The following CUL1 variants were observed in gnomAD, a reference collection of about 807,000 sequenced individuals.
The protein encoded by CUL1 is cullin 1, also known as cullin-1.
In CUL1, 24 loss-of-function variants were observed where a neutral mutation model predicts 118.0. That is an observed-to-expected ratio of 0.20 (90% CI 0.15 to 0.29). The LOEUF (loss-of-function observed/expected upper bound fraction) is 0.29, where lower values mean the gene tolerates loss of function less well. CUL1 is among the 10% of genes least tolerant of loss of function. The pLI is 1.00. For synonymous variants in CUL1, 332 were observed against 340.4 expected, an observed-to-expected ratio of 0.98 and a Z score of 0.27; for missense variants, 361 against 933.8, an observed-to-expected ratio of 0.39 and a Z score of 7.99.
At chr7:148,762,123 A>G (rs1799850162) in intron 7 of CUL1, among the ~76,000 whole-genome samples, 1 of 152,224 alleles carries the variant, frequency 6.6e-6, no homozygotes, top group Non-Finnish European at 1.5e-5. Flanking sequence ...GGAGATCTCC[A>G]GGAGTCTGGA....
At chr7:148,770,387 T>C (rs1584804126) in intron 9 of CUL1, among the ~76,000 whole-genome samples, 1 of 152,324 alleles carries the variant, frequency 6.6e-6, no homozygotes, top group East Asian at 1.9e-4. Context: ...AAGTCAAATA[T>C]TAGTTTTTTT....
intron 3 of CUL1, 149 bp from the exon 4 acceptor site, chr7:148,756,834 G>A (rs754375098): frequency 3.0e-4 from 130 of 435,656 alleles, no homozygotes; most frequent in Non-Finnish European, 4.8e-4. Context: ...ATATATATTA[G>A]CATGTTTTTG....
At position 148,798,029 on chromosome 7, in the gene CUL1, A is replaced by G. The variant is rs1243494556; in HGVS notation, c.2030+10A>G. Reference sequence around the variant, plus strand: ...ATCTTGGTTATAAAAAGTAAGAAAAATCTAATAAGTAGATGGCCCTTGACC... The same window carrying G: ...ATCTTGGTTATAAAAAGTAAGAAAAGTCTAATAAGTAGATGGCCCTTGACC... On this transcript the variant is annotated intron_variant, in intron 19 of 21. Coordinates refer to ENST00000325222, the MANE Select transcript of CUL1 (RefSeq NM_003592.3). 2 of 1,517,044 alleles carry G rather than the reference A, an allele frequency of 1.3e-6. No individual in the cohort carries two copies. Among genetic ancestry groups the G allele is most frequent in the Admixed American group, 1.7e-5 (1 of 59,480 alleles). 94.0% of individuals were successfully genotyped at this position (1,517,044 alleles called of 1,614,324 possible).
chr7:148,768,620 G>T (rs1800090766), intron 9 of CUL1, among the ~76,000 whole-genome samples: 1 of 151,926 alleles, frequency 6.6e-6, no homozygotes, highest in Non-Finnish European at 1.5e-5. Flanking sequence ...CCGGACCTCA[G>T]GTGATTCGCC....
chr7:148,774,488 T>C (rs909764756), intron 9 of CUL1, among the ~76,000 whole-genome samples: 1 of 152,244 alleles, frequency 6.6e-6, no homozygotes, highest in Non-Finnish European at 1.5e-5. Context: ...CTGTTAATTC[T>C]TGACTATACA....
At chr7:148,725,219 GCTCA>G (rs1184580483) in intron 1 of CUL1, among the ~76,000 whole-genome samples, 1,696 of 140,134 alleles carry the variant, frequency 0.012, 32 homozygotes, top group African/African-American at 0.043. Flanking sequence ...ACACGCGCGC[GCTCA>G]CACACACACA....
At chr7:148,772,013 T>G (rs1455893179) in intron 9 of CUL1, among the ~76,000 whole-genome samples, 2 of 152,168 alleles carry the variant, frequency 1.3e-5, no homozygotes, top group African/African-American at 4.8e-5. Flanking sequence ...GCAAACAGTC[T>G]CCTGCTTAGA....
intron 2 of CUL1, among the ~76,000 whole-genome samples, chr7:148,734,269 CAG>C (rs71779607): frequency 0.025 from 3,832 of 152,210 alleles, 124 homozygotes; most frequent in African/African-American, 0.077. Flanking sequence ...GTGTGTAAGA[CAG>C]AGTCTCACTC....
intron 9 of CUL1, chr7:148,783,335 C>CA (rs1425709882): frequency 1.4e-5 from 14 of 985,222 alleles, no homozygotes; most frequent in Non-Finnish European, 1.7e-5. Flanking sequence ...GGGCCGCAGT[C>CA]AGACTCCCGC....
intron 9 of CUL1, among the ~76,000 whole-genome samples, chr7:148,769,213 A>C (rs544283772): frequency 2.0e-5 from 3 of 152,210 alleles, no homozygotes; most frequent in African/African-American, 4.8e-5. Context: ...ATCCCATAGG[A>C]TATTTGTGAA....
upstream of CUL1, chr7:148,698,378 C>T (rs1014207517): frequency 2.6e-5 from 4 of 152,324 alleles, no homozygotes; most frequent in Admixed American, 6.5e-5. Context: ...CTGGTGGTGT[C>T]CCCGACCCAA....
At chr7:148,737,077 C>G (rs1197438250) in intron 2 of CUL1, among the ~76,000 whole-genome samples, 7 of 152,162 alleles carry the variant, frequency 4.6e-5, no homozygotes, top group Non-Finnish European at 1.0e-4. Context: ...TTCTTGCTAT[C>G]TTTTACTACT....
chr7:148,734,491 A>G (rs540941345), intron 2 of CUL1, among the ~76,000 whole-genome samples: 48 of 152,284 alleles, frequency 3.2e-4, no homozygotes, highest in African/African-American at 1.2e-3. Flanking sequence ...TTATCCGCCC[A>G]CCTGGGCCTC....
chr7:148,718,316 A>G (rs1041949966), intron 1 of CUL1, among the ~76,000 whole-genome samples: 4 of 152,240 alleles, frequency 2.6e-5, no homozygotes, highest in Non-Finnish European at 5.9e-5. Context: ...CATCACTACA[A>G]TGCAATTTTA....
chr7:148,750,994 AAAAAAC>A (rs954155260), intron 2 of CUL1, among the ~76,000 whole-genome samples: 2 of 151,902 alleles, frequency 1.3e-5, no homozygotes, highest in Non-Finnish European at 2.9e-5. Context: ...TAAAAAAAAA[AAAAAAC>A]AAAACAAAAC....
chr7:148,789,136 C>T (rs897791514), intron 14 of CUL1, among the ~76,000 whole-genome samples: 5 of 152,056 alleles, frequency 3.3e-5, no homozygotes, highest in South Asian at 2.1e-4. Flanking sequence ...AGTAGGATGG[C>T]GGATTTATGC....
chr7:148,791,635 T>TC (rs1179872374), intron 16 of CUL1, among the ~76,000 whole-genome samples: 1 of 152,254 alleles, frequency 6.6e-6, no homozygotes, highest in African/African-American at 2.4e-5. Context: ...ACACGCTCGT[T>TC]CCCTTGTATC....
chr7:148,789,636 T>C, intron 14 of CUL1, 114 bp from the exon 15 acceptor site: 1 of 763,646 alleles, frequency 1.3e-6, no homozygotes, highest in Non-Finnish European at 2.2e-6. Flanking sequence ...TTTTATTTAA[T>C]GTGCTTTTTA....
At position 148,784,118 on chromosome 7, in the gene CUL1, A is replaced by T. The variant is rs375889004; in HGVS notation, c.1298+41A>T. 12 of 1,480,008 alleles carry T rather than the reference A, an allele frequency of 8.1e-6. No individual in the cohort carries two copies. In the African/African-American group the frequency reaches 1.5e-4, roughly 19 times the overall value. The allele number at this position is 1,480,008 out of a possible 1,614,324, so 91.7% of individuals were successfully genotyped here. A position where few individuals can be genotyped will look rare whatever the true frequency, so the allele number is the denominator to read the frequency against. The stretch of plus-strand genomic sequence containing the variant: ...ATGTTTTCTTAGTATGCCTGTTTAA[A>T]ATCTCAGCTTTTATATGAGGAATTA... On this transcript the variant is annotated intron_variant, in intron 11 of 21. Transcript: ENST00000325222.
Sources: gnomAD v4.1 joint callset for allele counts (sites outside exome capture counted in the v4.1 genomes callset) on GRCh38, gnomAD v4.1.1 for gene constraint, MANE v1.5 for transcripts, NCBI Gene and HGNC (gene_info 2026-07-23, HGNC 2026-07-21) for gene names.